MBD5: variants seen among roughly 807,000 people sequenced by gnomAD.
MBD5 encodes the protein methyl-CpG binding domain protein 5.
MBD5 carries 13 observed loss-of-function variants against 117.3 expected under a neutral mutation model. The ratio of observed to expected loss-of-function variants is 0.11; its 90% confidence interval spans 0.07 to 0.18. The LOEUF is 0.18. Among genes scored for constraint, MBD5 ranks in the 10% least tolerant of loss-of-function variants. MBD5 has a pLI of 1.00. For synonymous variants in MBD5, 727 were observed against 766.4 expected, an observed-to-expected ratio of 0.95 and a Z score of 0.85; for missense variants, 1,879 against 2,093.8, an observed-to-expected ratio of 0.90 and a Z score of 2.00.
chr2:148,157,687 T>C (rs192231849), intron 1 of MBD5, among the ~76,000 whole-genome samples: 21 of 152,332 alleles, frequency 1.4e-4, no homozygotes, highest in African/African-American at 5.0e-4. Flanking sequence ...TTGCCAGTAA[T>C]CACTGAAATT....
chr2:148,223,541 G>C (rs571123524), intron 2 of MBD5, among the ~76,000 whole-genome samples: 17 of 152,028 alleles, frequency 1.1e-4, no homozygotes, highest in Admixed American at 9.8e-4. Context: ...CCAATTTATT[G>C]GCATATGGTT....
At chr2:148,412,090 C>T (rs890221813) in intron 4 of MBD5, among the ~76,000 whole-genome samples, 3 of 152,106 alleles carry the variant, frequency 2.0e-5, no homozygotes, top group African/African-American at 7.2e-5. Flanking sequence ...GTTATCCCAT[C>T]AACATTTATT....
chr2:148,085,008 T>A (rs940565142), intron 1 of MBD5, among the ~76,000 whole-genome samples: 1 of 152,136 alleles, frequency 6.6e-6, no homozygotes, highest in Non-Finnish European at 1.5e-5. Flanking sequence ...AAGGGGTTAG[T>A]AGGAAGAAGA....
chr2:148,231,130 G>A (rs963790015), intron 2 of MBD5, among the ~76,000 whole-genome samples: 1 of 152,102 alleles, frequency 6.6e-6, no homozygotes, highest in Non-Finnish European at 1.5e-5. Flanking sequence ...TTGCCTTGGA[G>A]TTGCAGTCCT....
intron 3 of MBD5, among the ~76,000 whole-genome samples, chr2:148,317,719 T>G (rs546378045): frequency 6.6e-6 from 1 of 152,264 alleles, no homozygotes; most frequent in African/African-American, 2.4e-5. Context: ...TTTTACTTTC[T>G]CTGTCTGAGT....
intron 4 of MBD5, among the ~76,000 whole-genome samples, chr2:148,449,173 A>C (rs186052379): frequency 1.4e-4 from 22 of 152,224 alleles, no homozygotes; most frequent in South Asian, 8.3e-4. Flanking sequence ...AAATTTTTTT[A>C]AAGATATGTA....
chr2:148,105,875 T>G (rs920762192), intron 1 of MBD5, among the ~76,000 whole-genome samples: 1 of 152,156 alleles, frequency 6.6e-6, no homozygotes, highest in Non-Finnish European at 1.5e-5. Context: ...TGTATTTAGA[T>G]TTTTGTTTTC....
chr2:148,037,910 T>C (rs2105649160), intron 1 of MBD5, among the ~76,000 whole-genome samples: 1 of 152,114 alleles, frequency 6.6e-6, no homozygotes, highest in Non-Finnish European at 1.5e-5. Flanking sequence ...TGATATACAT[T>C]ACAAAAGAAC....
At chr2:148,457,899 G>A (rs1319005103) in intron 4 of MBD5, among the ~76,000 whole-genome samples, 1 of 152,106 alleles carries the variant, frequency 6.6e-6, no homozygotes. Flanking sequence ...TTTATGTCAA[G>A]TTAGAAGGAG....
intron 1 of MBD5, among the ~76,000 whole-genome samples, chr2:148,111,440 T>A (rs997450899): frequency 1.3e-5 from 2 of 152,114 alleles, no homozygotes; most frequent in South Asian, 4.1e-4. Flanking sequence ...CCAAACAAGA[T>A]TGTAGAATTG....
intron 2 of MBD5, among the ~76,000 whole-genome samples, chr2:148,205,933 G>C (rs1334900000): frequency 6.6e-6 from 1 of 152,064 alleles, no homozygotes; most frequent in African/African-American, 2.4e-5. Context: ...TTGAGCCCGG[G>C]AGTTCGAGAC....
At chr2:148,023,057 CTCTT>C (rs991668405) in intron 1 of MBD5, among the ~76,000 whole-genome samples, 4 of 150,676 alleles carry the variant, frequency 2.7e-5, no homozygotes, top group African/African-American at 7.3e-5. Context: ...TACACACACT[CTCTT>C]TCGCTCGCTC....
chr2:148,283,308 C>T (rs1701294047), intron 3 of MBD5, among the ~76,000 whole-genome samples: 1 of 152,064 alleles, frequency 6.6e-6, no homozygotes, highest in African/African-American at 2.4e-5. Context: ...ATCCATCCTG[C>T]ACTTTTTGCA....
At chr2:148,176,166 A>C (rs1698379751) in intron 1 of MBD5, among the ~76,000 whole-genome samples, 1 of 152,170 alleles carries the variant, frequency 6.6e-6, no homozygotes, top group African/African-American at 2.4e-5. Context: ...AGAATACTTT[A>C]TTAAGAGTAC....
intron 4 of MBD5, among the ~76,000 whole-genome samples, chr2:148,424,369 C>G (rs1466439424): frequency 6.6e-6 from 1 of 151,598 alleles, no homozygotes; most frequent in Non-Finnish European, 1.5e-5. Context: ...TACGGGAGCA[C>G]CCAGACTCAT....
intron 1 of MBD5, among the ~76,000 whole-genome samples, chr2:148,144,317 G>C (rs1697393054): frequency 6.6e-6 from 1 of 151,780 alleles, no homozygotes; most frequent in African/African-American, 2.4e-5. Context: ...TTGTAAATTT[G>C]TTTGAGTTCT....
At position 148,492,359 on chromosome 2, in the gene MBD5, C is replaced by G. The variant is rs150145418; in HGVS notation, c.4962+1765C>G. Among the ~76,000 whole-genome samples the G allele has an allele frequency of 7.2e-5, 11 of 152,072 alleles. No individual in the cohort carries two copies. The East Asian group carries it at 1.9e-3, about 27-fold the overall frequency. On this transcript the variant is annotated intron_variant, in intron 11 of 13. Coordinates refer to ENST00000642680, the MANE Select transcript of MBD5 (RefSeq NM_001378120.1). ...GTAAATTCATATATTCCTCCTCTCA[C>G]TGGCTGACCTTGTCATTTTGGATTC... is the stretch of plus-strand genomic sequence containing the variant.
At chr2:148,322,211 A>C (rs1247040222) in intron 3 of MBD5, among the ~76,000 whole-genome samples, 1 of 152,244 alleles carries the variant, frequency 6.6e-6, no homozygotes, top group Non-Finnish European at 1.5e-5. Context: ...TTGACCTGAG[A>C]AAATATGGAC....
Position 148,084,457 on chromosome 2 carries a change from T to A in MBD5, c.-925+62773T>A, listed in dbSNP as rs551643813. Among the ~76,000 whole-genome samples, 5 of 152,348 alleles carry A rather than the reference T, an allele frequency of 3.3e-5. No homozygotes were observed. In the East Asian group the frequency reaches 9.6e-4, roughly 29 times the overall value. Reference sequence around the variant, plus strand: ...AAATATAGTTTTAAAAATACTTCAGTACAGTGTTTATTGATTTCCAAGTCA... The same window carrying A: ...AAATATAGTTTTAAAAATACTTCAGAACAGTGTTTATTGATTTCCAAGTCA... On this transcript the variant is annotated intron_variant, in intron 1 of 13. Coordinates refer to ENST00000642680, the MANE Select transcript of MBD5 (RefSeq NM_001378120.1).
Sources: gnomAD v4.1 joint callset for allele counts (sites outside exome capture counted in the v4.1 genomes callset) on GRCh38, gnomAD v4.1.1 for gene constraint, MANE v1.5 for transcripts, NCBI Gene and HGNC (gene_info 2026-07-23, HGNC 2026-07-21) for gene names.